The following FEZ1 variants were observed in gnomAD, a reference collection of about 807,000 sequenced individuals.
FEZ1 encodes the protein fasciculation and elongation protein zeta-1.
In FEZ1, 20 loss-of-function variants were observed where a neutral mutation model predicts 49.3. The observed-to-expected ratio is 0.41, with a 90% CI of 0.29 to 0.59. The LOEUF is 0.59. Ranked by LOEUF, FEZ1 falls within the 20% of genes least tolerant of loss-of-function variation. The pLI is 0.36. For missense variants in FEZ1, 413 were observed against 476.0 expected, an observed-to-expected ratio of 0.87 and a Z score of 1.23; for synonymous variants, 170 against 180.9, an observed-to-expected ratio of 0.94 and a Z score of 0.48.
At chr11:125,457,285 G>A (rs1345515853) in intron 5 of FEZ1, among the ~76,000 whole-genome samples, 1 of 145,990 alleles carries the variant, frequency 6.8e-6, no homozygotes, top group Non-Finnish European at 1.5e-5. Context: ...AAAAATTTAG[G>A]CCAGGTGCAG....
Position 125,447,049 on chromosome 11 carries a change from C to CA in FEZ1, c.1163-939dup, listed in dbSNP as rs562494053. Among the ~76,000 whole-genome samples, 311 of 151,984 alleles carry CA rather than the reference C, an allele frequency of 2.0e-3. 3 individuals carry two copies. The highest frequency in any genetic ancestry group is 7.3e-3 in the African/African-American group (303 of 41,434). On this transcript the variant is annotated intron_variant, in intron 9 of 9. Coordinates refer to ENST00000278919, the MANE Select transcript of FEZ1 (RefSeq NM_005103.5). ...TACATAGTTTTGTGTGCATGCAGGA[C>CA]AAAAAACAATAAAATAATAGATCTA... is the stretch of plus-strand genomic sequence containing the variant.
rs1487966941 is a variant in FEZ1 at position 125,455,957 on chromosome 11, C to G, written c.817G>C (p.Val273Leu). The change falls in exon 6 of 10, where the codon GTG becomes CTG. Residue 273 changes from valine (V) to leucine (L), a missense_variant. By Grantham distance (32) the Val-to-Leu change is conservative. Transcript: ENST00000278919. ...TGCTTGTTCTGAACCTCAATAAGCACCGTGATAAAGGAGTTCTTCACTTCC... is the reference window on the plus strand; with the variant it reads ...TGCTTGTTCTGAACCTCAATAAGCAGCGTGATAAAGGAGTTCTTCACTTCC... Reference protein sequence around the residue: ...EKEVKNSFITVLIEVQNKQKE... With the variant: ...EKEVKNSFITLLIEVQNKQKE... 6.2e-7 allele frequency: 1 copy of G among 1,613,520 alleles called. No homozygotes were observed. Among genetic ancestry groups the G allele is most frequent in the Non-Finnish European group, 8.5e-7 (1 of 1,179,986 alleles).
intron 8 of FEZ1, among the ~76,000 whole-genome samples, chr11:125,448,863 C>G (rs1956921007): frequency 1.3e-5 from 2 of 151,608 alleles, no homozygotes; most frequent in Admixed American, 1.3e-4. Context: ...ATGGCAGAAC[C>G]TCATTTCTAA....
intron 5 of FEZ1, among the ~76,000 whole-genome samples, chr11:125,457,826 G>A (rs1407550280): frequency 6.6e-6 from 1 of 152,036 alleles, no homozygotes; most frequent in Non-Finnish European, 1.5e-5. Context: ...GTCTAATGGT[G>A]TCCTTCACTT....
At chr11:125,455,308 T>C (rs1409208913) in intron 6 of FEZ1, 1 of 153,492 alleles carries the variant, frequency 6.5e-6, no homozygotes, top group East Asian at 1.9e-4. Flanking sequence ...GGAGAATTGC[T>C]TGAGCCCAGG....
chr11:125,479,608 C>T (rs1016762167), intron 3 of FEZ1, among the ~76,000 whole-genome samples: 1 of 152,164 alleles, frequency 6.6e-6, no homozygotes, highest in Admixed American at 6.5e-5. Context: ...GACAGTGAGA[C>T]CTTGTGGAGG....
In FEZ1 at chr11:125,455,762, G is replaced by T; in HGVS notation, c.939+73C>A. 2.7e-6 allele frequency: 4 copies of T among 1,484,074 alleles called. No homozygotes were observed. In the South Asian group the frequency reaches 4.5e-5, roughly 17 times the overall value. 91.9% of individuals were successfully genotyped at this position (1,484,074 alleles called of 1,614,324 possible). A position where few individuals can be genotyped will look rare whatever the true frequency, so the allele number is the denominator to read the frequency against. On this transcript the variant is annotated intron_variant, in intron 6 of 9. Coordinates refer to ENST00000278919, the MANE Select transcript of FEZ1 (RefSeq NM_005103.5). The stretch of plus-strand genomic sequence containing the variant: ...GTAAACGTTGATGAGTCCCCTGCAG[G>T]GTTGGTAGGGCACTGAAACGGGCAG...
Position 125,444,532 on chromosome 11 carries a change from C to G in FEZ1, c.*1563G>C, listed in dbSNP as rs1157413681. Among the ~76,000 whole-genome samples the G allele has an allele frequency of 6.6e-6, 1 of 151,946 alleles. No homozygotes were observed. The highest frequency in any genetic ancestry group is 2.4e-5 in the African/African-American group (1 of 41,334). On this transcript the variant is annotated 3_prime_UTR_variant, in exon 10 of 10. Transcript: ENST00000278919. ...CGTGGGAGGCGGAGTTTGCGGCGAGCTGAGATAGCGCCATTGTACTCCAGC... is the reference window on the plus strand; with the variant it reads ...CGTGGGAGGCGGAGTTTGCGGCGAGGTGAGATAGCGCCATTGTACTCCAGC...
At chr11:125,483,407 C>G (rs867889336) in intron 2 of FEZ1, among the ~76,000 whole-genome samples, 1 of 152,184 alleles carries the variant, frequency 6.6e-6, no homozygotes, top group South Asian at 2.1e-4. Flanking sequence ...TTGAAGAGAA[C>G]TCATCAAGTA....
chr11:125,457,138 A>G (rs1957017943), intron 5 of FEZ1, among the ~76,000 whole-genome samples: 1 of 145,730 alleles, frequency 6.9e-6, no homozygotes, highest in Admixed American at 7.0e-5. Context: ...AGCAGAGATC[A>G]CACCACTGTA....
At chr11:125,465,268 A>G (rs1223637546) in intron 3 of FEZ1, among the ~76,000 whole-genome samples, 1 of 152,124 alleles carries the variant, frequency 6.6e-6, no homozygotes, top group African/African-American at 2.4e-5. Flanking sequence ...ACCTTTTCTG[A>G]AATGTGGCTG....
At chr11:125,448,590 G>A (rs147322419) in intron 8 of FEZ1, 23 bp from the exon 9 acceptor site, 5 of 1,517,848 alleles carry the variant, frequency 3.3e-6, no homozygotes, top group South Asian at 1.1e-5. Context: ...ACAGAGAGAG[G>A]AACTAAGATA....
At position 125,457,429 on chromosome 11, in the gene FEZ1, A is replaced by AATATATATATAT. The variant is rs145878447; in HGVS notation, c.668-1335_668-1324dup. ...AAAAAAAAAAAAAAAAAAAAAAAAA[A>AATATATATATAT]ATATATATATATATATATATATGTA... On this transcript the variant is annotated intron_variant, in intron 5 of 9. Transcript: ENST00000278919. Among the ~76,000 whole-genome samples the AATATATATATAT allele has an allele frequency of 1.1e-3, 24 of 20,908 alleles. No homozygotes were observed. The East Asian group carries it at 0.014, about 12-fold the overall frequency. 13.7% of individuals were successfully genotyped at this position (20,908 alleles called of 152,430 possible).
chr11:125,472,396 C>G (rs1957191902), intron 3 of FEZ1, among the ~76,000 whole-genome samples: 1 of 151,690 alleles, frequency 6.6e-6, no homozygotes, highest in South Asian at 2.1e-4. Context: ...AGAGAGAACA[C>G]AAATTAACAA....
intron 3 of FEZ1, among the ~76,000 whole-genome samples, chr11:125,479,298 T>G (rs1372731431): frequency 6.6e-6 from 1 of 152,222 alleles, no homozygotes. Context: ...TCTACAAATA[T>G]ATTGCCGAGT....
chr11:125,483,983 T>C (rs1375270171), intron 2 of FEZ1, among the ~76,000 whole-genome samples: 1 of 152,218 alleles, frequency 6.6e-6, no homozygotes, highest in Non-Finnish European at 1.5e-5. Flanking sequence ...ACTTTTATCT[T>C]CTCAGGATTT....
intron 6 of FEZ1, chr11:125,454,489 A>G: frequency 3.3e-6 from 1 of 306,020 alleles, no homozygotes; most frequent in Non-Finnish European, 5.9e-6. Context: ...CATCATGCAA[A>G]TAGAAAAATA....
At chr11:125,484,274 T>A (rs752062589) in intron 2 of FEZ1, among the ~76,000 whole-genome samples, 2 of 152,194 alleles carry the variant, frequency 1.3e-5, no homozygotes, top group African/African-American at 2.4e-5. Context: ...ACAAGGCAGA[T>A]GCTAATGAGA....
chr11:125,456,088 C>T lies in FEZ1; in HGVS notation c.686G>A (p.Gly229Glu), dbSNP rs1316443041. The T allele has an allele frequency of 6.2e-7, 1 of 1,601,250 alleles. No homozygotes were observed. Among genetic ancestry groups the T allele is most frequent in the East Asian group, 2.2e-5 (1 of 44,678 alleles). ...GTCCAGCAGCTCGGTCAGCTCAGACCCAGACATGTGCCTCAGCCCTGCAGG... is the reference window on the plus strand; with the variant it reads ...GTCCAGCAGCTCGGTCAGCTCAGACTCAGACATGTGCCTCAGCCCTGCAGG... ...WSYEGLRHMS[G>E]SELTELLDQV... Residue 229 changes from glycine to glutamate, a missense_variant, in exon 6 of 10, where the codon GGG becomes GAG. Transcript: ENST00000278919.
Sources: gnomAD v4.1 joint callset for allele counts (sites outside exome capture counted in the v4.1 genomes callset) on GRCh38, gnomAD v4.1.1 for gene constraint, MANE v1.5 for transcripts, NCBI Gene and HGNC (gene_info 2026-07-23, HGNC 2026-07-21) for gene names.